EPHA3: variants seen among roughly 807,000 people sequenced by gnomAD.
EPHA3 encodes EPH receptor A3, also known as ephrin type-A receptor 3.
A neutral mutation model predicts 107.1 loss-of-function variants in EPHA3; 42 were observed. The ratio of observed to expected loss-of-function variants is 0.39; its 90% CI spans 0.31 to 0.51. EPHA3 has a LOEUF of 0.51. Ranked by LOEUF, EPHA3 falls within the 20% of genes least tolerant of loss-of-function variation. The pLI is 0.78. For missense variants in EPHA3, 1,183 were observed against 1,211.2 expected (o/e 0.98, Z 0.35); for synonymous variants, 461 against 424.8 (o/e 1.09, Z -1.05).
chr3:89,287,304 C>A (rs1465649086), intron 3 of EPHA3, among the ~76,000 whole-genome samples: 1 of 152,070 alleles, frequency 6.6e-6, no homozygotes, highest in Non-Finnish European at 1.5e-5. Context: ...CATAGGAATA[C>A]TAAATACCTT....
intron 3 of EPHA3, among the ~76,000 whole-genome samples, chr3:89,267,099 G>T (rs1260086214): frequency 6.6e-6 from 1 of 152,066 alleles, no homozygotes; most frequent in Non-Finnish European, 1.5e-5. Flanking sequence ...TGAATGAATA[G>T]AAATCAGATT....
At chr3:89,262,961 CTCTTTTT>C (rs1489852711) in intron 3 of EPHA3, among the ~76,000 whole-genome samples, 1 of 113,936 alleles carries the variant, frequency 8.8e-6, no homozygotes, top group African/African-American at 3.6e-5. Context: ...TGTTACAGCG[CTCTTTTT>C]TTTTTTTTTT....
chr3:89,202,341 AAAATAAATAAAT>A lies in EPHA3; in HGVS notation c.154-7507_154-7496del, dbSNP rs1374609713. Among the ~76,000 whole-genome samples, 3 of 151,730 alleles carry A rather than the reference AAAATAAATAAAT, an allele frequency of 2.0e-5. 1 individual carries two copies. Among genetic ancestry groups the A allele is most frequent in the African/African-American group, 7.2e-5 (3 of 41,396 alleles). On this transcript the variant is annotated intron_variant, in intron 2 of 16. Coordinates refer to ENST00000336596, the MANE Select transcript of EPHA3 (RefSeq NM_005233.6). ...AAAACACCGTCTCTACTGAAAATAA[AAAATAAATAAAT>A]AAATAAATAAAAAGTAGCTGGGCAT... is the stretch of plus-strand genomic sequence containing the variant.
At chr3:89,408,684 A>G (rs1313787231) in intron 9 of EPHA3, among the ~76,000 whole-genome samples, 2 of 152,222 alleles carry the variant, frequency 1.3e-5, no homozygotes, top group Non-Finnish European at 2.9e-5. Flanking sequence ...TTAAATACAC[A>G]TTTCAGAAAC....
intron 3 of EPHA3, among the ~76,000 whole-genome samples, chr3:89,262,651 A>C (rs1005614404): frequency 1.3e-5 from 2 of 152,244 alleles, no homozygotes; most frequent in Non-Finnish European, 2.9e-5. Context: ...GATGCGTGAC[A>C]GGGGTGCCTT....
At chr3:89,289,714 T>C (rs529867439) in intron 3 of EPHA3, among the ~76,000 whole-genome samples, 4 of 152,090 alleles carry the variant, frequency 2.6e-5, no homozygotes, top group South Asian at 4.1e-4. Flanking sequence ...CATGTGTTCA[T>C]GCAAGGGGTG....
chr3:89,180,280 T>C (rs1705412167), intron 2 of EPHA3, among the ~76,000 whole-genome samples: 1 of 151,738 alleles, frequency 6.6e-6, no homozygotes, highest in African/African-American at 2.4e-5. Flanking sequence ...ATTTAGGCAT[T>C]GTCCTTTATG....
At chr3:89,113,332 G>T (rs985100727) in intron 1 of EPHA3, among the ~76,000 whole-genome samples, 1 of 151,700 alleles carries the variant, frequency 6.6e-6, no homozygotes, top group Admixed American at 6.6e-5. Context: ...GTGTGTTCGG[G>T]GTGTGGATAC....
chr3:89,423,089 A>T (rs1709385600), intron 11 of EPHA3, among the ~76,000 whole-genome samples: 2 of 151,464 alleles, frequency 1.3e-5, no homozygotes. Context: ...AGACTCCAAG[A>T]ACACCTTCCA....
intron 2 of EPHA3, among the ~76,000 whole-genome samples, chr3:89,209,551 T>C (rs1706215851): frequency 6.6e-6 from 1 of 152,154 alleles, no homozygotes. Context: ...GAAAATAATA[T>C]TATAGTGTCA....
At chr3:89,245,465 T>C (rs1479625614) in intron 3 of EPHA3, among the ~76,000 whole-genome samples, 2 of 152,328 alleles carry the variant, frequency 1.3e-5, no homozygotes, top group Admixed American at 1.3e-4. Context: ...TTGTAATTGA[T>C]GAATATTATA....
At chr3:89,270,983 G>A (rs1705654372) in intron 3 of EPHA3, among the ~76,000 whole-genome samples, 1 of 151,952 alleles carries the variant, frequency 6.6e-6, no homozygotes, top group Admixed American at 6.6e-5. Context: ...GGAGGGATTG[G>A]TCTTAATAAT....
intron 13 of EPHA3, among the ~76,000 whole-genome samples, chr3:89,434,328 A>T (rs1709624711): frequency 6.6e-6 from 1 of 152,012 alleles, no homozygotes; most frequent in South Asian, 2.1e-4. Flanking sequence ...AGCAACTCTC[A>T]TGCCTCAGCC....
In EPHA3 at chr3:89,340,976, C is replaced by T. The variant is rs1559653620; in HGVS notation, c.875C>T (p.Pro292Leu). 2 of 1,614,134 alleles carry T rather than the reference C, an allele frequency of 1.2e-6. No homozygotes were observed. The highest frequency in any genetic ancestry group is 1.1e-5 in the South Asian group (1 of 91,086). Residue 292 changes from proline (P) to leucine (L), a missense_variant, in exon 4 of 17, where the codon CCT (proline) becomes CTT (leucine). Pro to Leu is a moderately conservative substitution (Grantham distance 98). Coordinates refer to ENST00000336596, the MANE Select transcript of EPHA3 (RefSeq NM_005233.6). ...DGNMKCAKCP[P>L]HSSTQEDGSM... ...AATATGAAGTGTGCTAAGTGCCCGC[C>T]TCACAGTTCTACTCAGGAAGATGGT...
chr3:89,366,663 T>C lies in EPHA3; in HGVS notation c.1306+24573T>C, dbSNP rs375195353. On this transcript the variant is annotated intron_variant, in intron 5 of 16. Coordinates refer to ENST00000336596, the MANE Select transcript of EPHA3 (RefSeq NM_005233.6). Reference sequence around the variant, plus strand: ...AACAGCAATGGATACCTGCTGAGTATAGACGGAGTCAGCTTTGGAATCAAA... The same window carrying C: ...AACAGCAATGGATACCTGCTGAGTACAGACGGAGTCAGCTTTGGAATCAAA... Among the ~76,000 whole-genome samples, 8 of 150,730 alleles carry C rather than the reference T, an allele frequency of 5.3e-5. No homozygotes were observed. The East Asian group carries it at 1.6e-3, about 29-fold the overall frequency.
At chr3:89,304,738 T>C (rs56741762) in intron 3 of EPHA3, among the ~76,000 whole-genome samples, 5,893 of 152,246 alleles carry the variant, frequency 0.039, 388 homozygotes, top group African/African-American at 0.14. Context: ...ATATTTATTA[T>C]GTTCATGATA....
At position 89,416,514 on chromosome 3, in the gene EPHA3, A is replaced by G. The variant is rs567979466; in HGVS notation, c.1889-2691A>G. Among the ~76,000 whole-genome samples the G allele has an allele frequency of 4.0e-5, 6 of 151,110 alleles. No individual in the cohort carries two copies. In the South Asian group the frequency reaches 1.2e-3, roughly 31 times the overall value. On this transcript the variant is annotated intron_variant, in intron 10 of 16. Transcript: ENST00000336596. The stretch of plus-strand genomic sequence containing the variant: ...TATTGAGATACAATTTACCAACCAT[A>G]AAGTTCAGCTATTTAAGTATACAAT...
rs1391702519 is a variant in EPHA3 at position 89,219,464 on chromosome 3, C to T, written c.814+8944C>T. Among the ~76,000 whole-genome samples, 5 of 151,210 alleles carry T rather than the reference C, an allele frequency of 3.3e-5. No individual in the cohort carries two copies. In the East Asian group the frequency reaches 9.9e-4, roughly 30 times the overall value. On this transcript the variant is annotated intron_variant, in intron 3 of 16. Transcript: ENST00000336596. Reference sequence around the variant, plus strand: ...AGGCATGAGCCTCCGTGCCCTGCCCCCCACAACAATTTATGAGTGTCTGCT... The same window carrying T: ...AGGCATGAGCCTCCGTGCCCTGCCCTCCACAACAATTTATGAGTGTCTGCT...
Position 89,433,627 on chromosome 3 carries a change from A to T in EPHA3, c.2346+2268A>T, listed in dbSNP as rs1709612011. ...TTTTTTTTTAATCTGAGTATTTTTT[A>T]AAAAGTCCTTAGACACTTAAAATGT... On this transcript the variant is annotated intron_variant, in intron 13 of 16. Coordinates refer to ENST00000336596, the MANE Select transcript of EPHA3 (RefSeq NM_005233.6). Among the ~76,000 whole-genome samples the T allele has an allele frequency of 2.0e-5, 3 of 152,244 alleles. No homozygotes were observed. The South Asian group carries it at 6.2e-4, about 32-fold the overall frequency.
Sources: allele counts gnomAD v4.1 joint callset (sites outside exome capture counted in the v4.1 genomes callset), GRCh38; gene constraint gnomAD v4.1.1; transcripts MANE v1.5; gene names NCBI Gene and HGNC (gene_info 2026-07-23, HGNC 2026-07-21).